The following DACH1 variants were observed in gnomAD, a reference collection of about 807,000 sequenced individuals.
DACH1 encodes the protein dachshund family transcription factor 1, also known as dachshund homolog 1.
Under a neutral mutation model 54.2 loss-of-function variants are expected in DACH1, and 12 were observed. The ratio of observed to expected loss-of-function variants is 0.22; its 90% confidence interval spans 0.14 to 0.36. The LOEUF is 0.36. DACH1 is among the 10% of genes least tolerant of loss of function. The pLI, the probability that DACH1 is intolerant of heterozygous loss-of-function variation, is 1.00. For missense variants in DACH1, 805 were observed against 929.8 expected, an observed-to-expected ratio of 0.87 and a Z score of 1.75; for synonymous variants, 386 against 366.2, an observed-to-expected ratio of 1.05 and a Z score of -0.62.
At position 71,707,233 on chromosome 13, in the gene DACH1, G is replaced by A. The variant is rs115911132; in HGVS notation, c.849-25323C>T. 8.9e-3 allele frequency among the ~76,000 whole-genome samples: 1,357 copies of A among 152,322 alleles called. 25 individuals are homozygous for A. The highest frequency in any genetic ancestry group is 0.03 in the African/African-American group (1,254 of 41,574). On this transcript the variant is annotated intron_variant, in intron 1 of 10. Coordinates refer to ENST00000613252, the MANE Select transcript of DACH1 (RefSeq NM_080759.6). ...ATAAAGATGTGAACTACATGCTATG[G>A]GAGCATTTCTTGAGGAAGTCTCAGC...
chr13:71,865,881 G>C (rs765515814), intron 1 of DACH1, 41 bp downstream of exon 1: 2 of 1,541,148 alleles, frequency 1.3e-6, no homozygotes, highest in Non-Finnish European at 1.8e-6. Flanking sequence ...CAGGCTGGTG[G>C]GAAGGGGCGC....
intron 3 of DACH1, among the ~76,000 whole-genome samples, chr13:71,577,147 T>G (rs7990199): frequency 6.6e-6 from 1 of 151,894 alleles, no homozygotes; most frequent in Non-Finnish European, 1.5e-5. Context: ...GATACTAAGG[T>G]CCTCCTGCTG....
intron 1 of DACH1, among the ~76,000 whole-genome samples, chr13:71,787,552 T>C (rs1231148470): frequency 6.6e-6 from 1 of 152,162 alleles, no homozygotes; most frequent in African/African-American, 2.4e-5. Context: ...CAGCATTCTG[T>C]GGATTGGAGA....
At chr13:71,830,650 T>C (rs887610312) in intron 1 of DACH1, among the ~76,000 whole-genome samples, 1 of 151,810 alleles carries the variant, frequency 6.6e-6, no homozygotes, top group Non-Finnish European at 1.5e-5. Flanking sequence ...GAATTCCCTT[T>C]CACGTTCATC....
At position 71,866,311 on chromosome 13, in the gene DACH1, A is replaced by ACTGCTGCTGCTGCTGCTGCTGCTACTG; in HGVS notation, c.432_458dup (p.Ser155_Ser163dup). The ACTGCTGCTGCTGCTGCTGCTGCTACTG allele has an allele frequency of 2.6e-6, 4 of 1,541,606 alleles. No individual in the cohort carries two copies. The highest frequency in any genetic ancestry group is 1.8e-6 in the Non-Finnish European group (2 of 1,140,804). ...TGCTGCTACTGCTGCTGCTGCTACT[A>ACTGCTGCTGCTGCTGCTGCTGCTACTG]CTGCTGCTGCTGCTGCTGCTGCTAC... is the stretch of plus-strand genomic sequence containing the variant. On this transcript the variant is annotated inframe_insertion, in exon 1 of 11. Coordinates refer to ENST00000613252, the MANE Select transcript of DACH1 (RefSeq NM_080759.6).
At chr13:71,516,527 A>T (rs778375585) in intron 6 of DACH1, among the ~76,000 whole-genome samples, 2 of 151,922 alleles carry the variant, frequency 1.3e-5, no homozygotes, top group Non-Finnish European at 2.9e-5. Flanking sequence ...AATGAAGTCC[A>T]GCCCAACAGT....
At chr13:71,736,207 C>T (rs886781251) in intron 1 of DACH1, among the ~76,000 whole-genome samples, 4 of 152,056 alleles carry the variant, frequency 2.6e-5, no homozygotes, top group African/African-American at 9.7e-5. Context: ...TTATTGAAAA[C>T]AAATCTCAAA....
chr13:71,742,503 T>C (rs1413630684), intron 1 of DACH1, among the ~76,000 whole-genome samples: 2 of 152,116 alleles, frequency 1.3e-5, no homozygotes, highest in African/African-American at 4.8e-5. Flanking sequence ...TATGAGACAT[T>C]CCTAAAATTT....
At position 71,828,471 on chromosome 13, in the gene DACH1, T is replaced by C. The variant is rs74437613; in HGVS notation, c.848+37451A>G. On this transcript the variant is annotated intron_variant, in intron 1 of 10. Transcript: ENST00000613252. ...ATCGACATCCAAATATAAAGTAGGG[T>C]AATAAAAAATAATGTTCTTAAACAT... 1.9e-3 allele frequency among the ~76,000 whole-genome samples: 288 copies of C among 152,086 alleles called. 2 individuals carry two copies. Among genetic ancestry groups the C allele is most frequent in the Non-Finnish European group, 3.5e-3 (237 of 67,940 alleles).
intron 1 of DACH1, among the ~76,000 whole-genome samples, chr13:71,750,340 C>A (rs772128597): frequency 3.6e-4 from 55 of 152,226 alleles, no homozygotes; most frequent in African/African-American, 1.2e-3. Flanking sequence ...AGAAACTGTA[C>A]CTTACACTGC....
chr13:71,629,423 T>A (rs1876913564), intron 3 of DACH1, among the ~76,000 whole-genome samples: 1 of 152,130 alleles, frequency 6.6e-6, no homozygotes. Context: ...AAAAGATGCA[T>A]TTTTCCCCTT....
At chr13:71,509,675 T>C (rs183195395) in intron 6 of DACH1, among the ~76,000 whole-genome samples, 29 of 152,222 alleles carry the variant, frequency 1.9e-4, no homozygotes, top group Admixed American at 4.6e-4. Flanking sequence ...TAAGTCCTTC[T>C]CTTCTCTGCC....
Position 71,612,094 on chromosome 13 carries a change from A to C in DACH1, c.1126+18462T>G, listed in dbSNP as rs149209684. ...TTGTTGGGCAAGGGTAAGAACATGG[A>C]AAGTGATACATAACAAAGTTGATAG... On this transcript the variant is annotated intron_variant, in intron 3 of 10. Transcript: ENST00000613252. Among the ~76,000 whole-genome samples the C allele has an allele frequency of 5.6e-4, 86 of 152,288 alleles. No homozygotes were observed. In the East Asian group the frequency reaches 0.013, roughly 22 times the overall value.
intron 6 of DACH1, among the ~76,000 whole-genome samples, chr13:71,528,845 C>T (rs1882199978): frequency 6.6e-6 from 1 of 152,014 alleles, no homozygotes; most frequent in South Asian, 2.1e-4. Context: ...AGTACTGTCT[C>T]ACACTAAATG....
chr13:71,573,055 A>G, intron 3 of DACH1, 43 bp from the exon 4 acceptor site: 2 of 1,543,734 alleles, frequency 1.3e-6, no homozygotes, highest in Non-Finnish European at 8.8e-7. Flanking sequence ...TGGAGGACAT[A>G]AATCATTAAA....
At chr13:71,814,127 A>C (rs1234573857) in intron 1 of DACH1, among the ~76,000 whole-genome samples, 7 of 152,172 alleles carry the variant, frequency 4.6e-5, no homozygotes, top group African/African-American at 1.7e-4. Flanking sequence ...AAACGTAAAA[A>C]CTTTCCATCA....
intron 1 of DACH1, among the ~76,000 whole-genome samples, chr13:71,823,576 G>A (rs1394077179): frequency 6.6e-6 from 1 of 151,838 alleles, no homozygotes; most frequent in Non-Finnish European, 1.5e-5. Context: ...TATGGAACAG[G>A]CGAGAAAGTC....
chr13:71,744,630 AAGAATATGCAATC>A (rs1426504284), intron 1 of DACH1, among the ~76,000 whole-genome samples: 1 of 152,218 alleles, frequency 6.6e-6, no homozygotes, highest in African/African-American at 2.4e-5. Flanking sequence ...CCATGCTGCT[AAGAATATGCAATC>A]ACATATTTAA....
chr13:71,597,513 T>C (rs976321074), intron 3 of DACH1, among the ~76,000 whole-genome samples: 4 of 152,158 alleles, frequency 2.6e-5, no homozygotes, highest in African/African-American at 7.2e-5. Flanking sequence ...ACAAACATTG[T>C]TGGAAAAGTC....
Sources: allele counts gnomAD v4.1 joint callset (sites outside exome capture counted in the v4.1 genomes callset), GRCh38; gene constraint gnomAD v4.1.1; transcripts MANE v1.5; gene names NCBI Gene and HGNC (gene_info 2026-07-23, HGNC 2026-07-21).